The following NLGN1 variants were observed in gnomAD, a reference collection of about 807,000 sequenced individuals.
NLGN1 encodes neuroligin-1.
In NLGN1, 12 loss-of-function variants were observed where a neutral mutation model predicts 65.5. That is an observed-to-expected ratio of 0.18 (90% confidence interval 0.12 to 0.30). The LOEUF (loss-of-function observed/expected upper bound fraction) is 0.30, where lower values mean the gene tolerates loss of function less well. Ranked by LOEUF, NLGN1 falls within the 10% of genes least tolerant of loss-of-function variation. The pLI is 1.00. For synonymous variants in NLGN1, 350 were observed against 359.5 expected (o/e 0.97, Z 0.30); for missense variants, 750 against 1,007.1 (o/e 0.74, Z 3.46).
intron 3 of NLGN1, among the ~76,000 whole-genome samples, chr3:173,677,370 C>G (rs1296422262): frequency 1.3e-5 from 2 of 152,004 alleles, no homozygotes; most frequent in African/African-American, 4.8e-5. Flanking sequence ...ATATGTTAGC[C>G]TTTCTTGCAT....
intron 1 of NLGN1, among the ~76,000 whole-genome samples, chr3:173,406,779 A>C (rs1718785658): frequency 6.6e-6 from 1 of 151,928 alleles, no homozygotes; most frequent in South Asian, 2.1e-4. Flanking sequence ...TTTGATGAAT[A>C]ACAAGTTCTC....
rs149077385 is a variant in NLGN1 at position 173,795,708 on chromosome 3, G to A, written c.494-11972G>A. On this transcript the variant is annotated intron_variant, in intron 3 of 6. Coordinates refer to ENST00000457714, the Ensembl canonical transcript of NLGN1. ...GTTACTTAAAATGCATTGAATTCTG[G>A]CATTGTTCTCCGGAATACACATATT... Among the ~76,000 whole-genome samples the A allele has an allele frequency of 8.3e-4, 126 of 152,028 alleles. 1 individual carries two copies. Among genetic ancestry groups the A allele is most frequent in the Middle Eastern group, 3.4e-3 (1 of 294 alleles).
intron 1 of NLGN1, among the ~76,000 whole-genome samples, chr3:173,402,241 C>T (rs981626403): frequency 6.6e-6 from 1 of 152,082 alleles, no homozygotes; most frequent in Non-Finnish European, 1.5e-5. Context: ...CATCTACCTA[C>T]CAATAAGTAC....
rs141712304 is a variant in NLGN1, at chr3:173,478,885, G to A, written c.-321+43807G>A. On this transcript the variant is annotated intron_variant, in intron 2 of 6. Transcript: ENST00000457714. ...CCAGCATGGGAGACAGAGCAAGACC[G>A]TGTCTCGATTAAAAAAAAAAAGAAA... is the stretch of plus-strand genomic sequence containing the variant. Among the ~76,000 whole-genome samples the A allele has an allele frequency of 4.7e-3, 714 of 151,224 alleles. 21 individuals are homozygous for A. Among genetic ancestry groups the A allele is most frequent in the Admixed American group, 0.042 (643 of 15,180 alleles).
intron 4 of NLGN1, among the ~76,000 whole-genome samples, chr3:173,943,545 G>C (rs10936773): frequency 0.33 from 50,414 of 151,828 alleles, 9,186 homozygotes; most frequent in African/African-American, 0.48. Context: ...GGCGAGTCTG[G>C]TCCCCTTGAA....
intron 2 of NLGN1, among the ~76,000 whole-genome samples, chr3:173,487,907 T>C (rs1464518812): frequency 6.6e-6 from 1 of 152,052 alleles, no homozygotes; most frequent in South Asian, 2.1e-4. Flanking sequence ...GTCTCTGAAC[T>C]AAGTTTATTT....
intron 3 of NLGN1, among the ~76,000 whole-genome samples, chr3:173,668,700 T>G (rs1445599304): frequency 6.6e-6 from 1 of 151,342 alleles, no homozygotes. Flanking sequence ...CTCAGCTCAC[T>G]GCAACCTCTG....
intron 2 of NLGN1, among the ~76,000 whole-genome samples, chr3:173,572,025 G>A (rs9883466): frequency 0.47 from 71,713 of 151,964 alleles, 16,565 homozygotes; most frequent in East Asian, 0.73. Context: ...TTACTCAGAG[G>A]GATAATATAG....
At chr3:174,034,465 T>TA (rs1443701189) in intron 4 of NLGN1, among the ~76,000 whole-genome samples, 1 of 152,008 alleles carries the variant, frequency 6.6e-6, no homozygotes, top group Non-Finnish European at 1.5e-5. Flanking sequence ...AGATAACTAT[T>TA]AAAAAATAAT....
At chr3:174,220,226 C>G (rs1294267023) in intron 4 of NLGN1, among the ~76,000 whole-genome samples, 5 of 152,012 alleles carry the variant, frequency 3.3e-5, no homozygotes, top group African/African-American at 1.2e-4. Context: ...AAAGTCAAAA[C>G]TAAAAACATA....
intron 3 of NLGN1, among the ~76,000 whole-genome samples, chr3:173,781,299 C>T (rs967899355): frequency 6.6e-5 from 10 of 152,080 alleles, no homozygotes; most frequent in African/African-American, 2.2e-4. Context: ...TATATTTAAA[C>T]AGAATATGGC....
chr3:173,943,654 G>A (rs1746561764), intron 4 of NLGN1, among the ~76,000 whole-genome samples: 3 of 152,280 alleles, frequency 2.0e-5, no homozygotes, highest in Admixed American at 1.3e-4. Context: ...TTCTTGGTTC[G>A]TGGGAGGAGG....
chr3:174,226,767 A>G (rs538408890), intron 4 of NLGN1, among the ~76,000 whole-genome samples: 34 of 151,986 alleles, frequency 2.2e-4, no homozygotes, highest in Admixed American at 4.6e-4. Context: ...TTTAAAAATG[A>G]CTTGCTGAGG....
At chr3:173,999,201 C>G (rs747335611) in intron 4 of NLGN1, among the ~76,000 whole-genome samples, 1 of 152,124 alleles carries the variant, frequency 6.6e-6, no homozygotes, top group Non-Finnish European at 1.5e-5. Flanking sequence ...ATAAAAGTCT[C>G]ATCCATTTTC....
At chr3:173,542,998 G>C (rs1739152977) in intron 2 of NLGN1, among the ~76,000 whole-genome samples, 1 of 152,038 alleles carries the variant, frequency 6.6e-6, no homozygotes, top group Admixed American at 6.6e-5. Context: ...TTTCACAGTA[G>C]GTGGTGTAGC....
At chr3:173,610,315 C>T (rs1752091148) in intron 3 of NLGN1, among the ~76,000 whole-genome samples, 1 of 151,904 alleles carries the variant, frequency 6.6e-6, no homozygotes, top group Non-Finnish European at 1.5e-5. Context: ...ACGGGAGAAG[C>T]AGAGTACAAA....
chr3:174,258,822 C>T (rs565888937), intron 4 of NLGN1, among the ~76,000 whole-genome samples: 5 of 151,830 alleles, frequency 3.3e-5, no homozygotes, highest in Non-Finnish European at 7.4e-5. Flanking sequence ...CATGTGAGTT[C>T]AGGTTTGATA....
In NLGN1 at chr3:174,048,581, A is replaced by G. The variant is rs117120471; in HGVS notation, c.647-226734A>G. ...TACATATCAAAGATTAGAGATATGA[A>G]AAAAAAATTTATCCTGGGGGAAATC... On this transcript the variant is annotated intron_variant, in intron 4 of 6. Coordinates refer to ENST00000457714, the Ensembl canonical transcript of NLGN1. Among the ~76,000 whole-genome samples, 827 of 152,120 alleles carry G rather than the reference A, an allele frequency of 5.4e-3. 6 individuals are homozygous for G. Among genetic ancestry groups the G allele is most frequent in the Middle Eastern group, 0.051 (15 of 294 alleles).
At position 173,499,061 on chromosome 3, in the gene NLGN1, A is replaced by T. The variant is rs1054844190; in HGVS notation, c.-321+63983A>T. On this transcript the variant is annotated intron_variant, in intron 2 of 6. Transcript: ENST00000457714. ...TGTGCAGAAGCTCTTTAGTTGAATT[A>T]GATCCCATTTGTCAATTTTGTCTTT... Among the ~76,000 whole-genome samples, 7 of 150,708 alleles carry T rather than the reference A, an allele frequency of 4.6e-5. No individual in the cohort carries two copies. In the South Asian group the frequency reaches 6.3e-4, roughly 13 times the overall value.
Sources: gnomAD v4.1 joint callset for allele counts (sites outside exome capture counted in the v4.1 genomes callset) on GRCh38, gnomAD v4.1.1 for gene constraint, MANE v1.5 for transcripts, NCBI Gene and HGNC (gene_info 2026-07-23, HGNC 2026-07-21) for gene names.